CNTN3: variants seen among roughly 807,000 people sequenced by gnomAD.
The protein encoded by CNTN3 is contactin 3, also known as contactin-3.
CNTN3 carries 60 observed loss-of-function variants against 119.1 expected under a neutral mutation model. The ratio of observed to expected loss-of-function variants is 0.50; its 90% CI spans 0.41 to 0.62. CNTN3 has a LOEUF of 0.62. Among genes scored for constraint, CNTN3 ranks in the 20% least tolerant of loss-of-function variants. CNTN3 has a pLI of 0.00. For synonymous variants in CNTN3, 450 were observed against 438.7 expected, an observed-to-expected ratio of 1.03 and a Z score of -0.32; for missense variants, 1,101 against 1,242.4, an observed-to-expected ratio of 0.89 and a Z score of 1.71.
At chr3:74,610,648 T>C (rs953949669) in intron 1 of CNTN3, among the ~76,000 whole-genome samples, 2 of 151,856 alleles carry the variant, frequency 1.3e-5, no homozygotes, top group Non-Finnish European at 2.9e-5. Context: ...CTAATTTAAC[T>C]TACATTAAAA....
chr3:74,344,590 TG>T (rs1703642882), intron 11 of CNTN3, among the ~76,000 whole-genome samples: 1 of 151,406 alleles, frequency 6.6e-6, no homozygotes, highest in Non-Finnish European at 1.5e-5. Flanking sequence ...CCCGAGTAGC[TG>T]GGACTACAGG....
intron 5 of CNTN3, among the ~76,000 whole-genome samples, chr3:74,412,065 T>C (rs981430314): frequency 3.3e-5 from 5 of 152,220 alleles, no homozygotes; most frequent in African/African-American, 1.2e-4. Context: ...GAATTAGGTA[T>C]AGTTCTGCTT....
chr3:74,480,183 A>G (rs1250101338), intron 4 of CNTN3, among the ~76,000 whole-genome samples: 1 of 152,044 alleles, frequency 6.6e-6, no homozygotes, highest in African/African-American at 2.4e-5. Context: ...CCTCTACAGT[A>G]TTCTTCCCAT....
At chr3:74,580,428 G>A (rs906109253) in intron 1 of CNTN3, among the ~76,000 whole-genome samples, 6 of 151,796 alleles carry the variant, frequency 4.0e-5, no homozygotes, top group African/African-American at 1.5e-4. Context: ...AATATTACAC[G>A]GAGAGAAAAT....
chr3:74,449,914 A>C (rs1702116821), intron 4 of CNTN3, among the ~76,000 whole-genome samples: 1 of 152,164 alleles, frequency 6.6e-6, no homozygotes, highest in East Asian at 1.9e-4. Context: ...CCATAAGGCA[A>C]TTTAATGATA....
intron 4 of CNTN3, among the ~76,000 whole-genome samples, chr3:74,458,724 A>T (rs1358902148): frequency 6.6e-6 from 1 of 152,094 alleles, no homozygotes; most frequent in East Asian, 1.9e-4. Context: ...ACAGCAGGAG[A>T]AAACATTATG....
intron 5 of CNTN3, among the ~76,000 whole-genome samples, chr3:74,412,196 CAG>C (rs1162751192): frequency 6.6e-6 from 1 of 152,090 alleles, no homozygotes; most frequent in African/African-American, 2.4e-5. Flanking sequence ...TGAAATATTA[CAG>C]AGTTTGTATT....
In CNTN3 at chr3:74,321,936, G is replaced by T. The variant is rs578085409; in HGVS notation, c.1668+12799C>A. ...AACAGAAAGCACCAGGTCCAGATGG[G>T]TTCAATGGTGAATCCGAGGTGGGCA... is the stretch of plus-strand genomic sequence containing the variant. On this transcript the variant is annotated intron_variant, in intron 13 of 22. Coordinates refer to ENST00000263665, the MANE Select transcript of CNTN3 (RefSeq NM_020872.3). 9.1e-4 allele frequency among the ~76,000 whole-genome samples: 139 copies of T among 152,170 alleles called. 1 individual carries two copies. Among genetic ancestry groups the T allele is most frequent in the Non-Finnish European group, 1.8e-3 (121 of 68,000 alleles).
At chr3:74,468,307 G>A (rs928949260) in intron 4 of CNTN3, among the ~76,000 whole-genome samples, 5 of 152,058 alleles carry the variant, frequency 3.3e-5, no homozygotes, top group African/African-American at 4.8e-5. Context: ...TGCTTCTTAC[G>A]GCTGGTAACT....
At chr3:74,355,608 C>T (rs1703916732) in intron 11 of CNTN3, among the ~76,000 whole-genome samples, 1 of 151,966 alleles carries the variant, frequency 6.6e-6, no homozygotes, top group Non-Finnish European at 1.5e-5. Context: ...AAGTGTGCCA[C>T]CATGCCTAGC....
intron 1 of CNTN3, among the ~76,000 whole-genome samples, chr3:74,569,155 T>G (rs951151449): frequency 6.6e-6 from 1 of 152,222 alleles, no homozygotes; most frequent in Non-Finnish European, 1.5e-5. Context: ...TCCCATTTTC[T>G]GTCTGCTCTG....
At chr3:74,475,210 G>C (rs1446541308) in intron 4 of CNTN3, among the ~76,000 whole-genome samples, 3 of 152,000 alleles carry the variant, frequency 2.0e-5, no homozygotes, top group Non-Finnish European at 2.9e-5. Flanking sequence ...CAACAGAACT[G>C]AATAAAAAAT....
chr3:74,506,048 C>A (rs1003100331), intron 2 of CNTN3, among the ~76,000 whole-genome samples: 1 of 152,106 alleles, frequency 6.6e-6, no homozygotes, highest in Non-Finnish European at 1.5e-5. Flanking sequence ...AATGGCAGAG[C>A]CCTTTCAAAG....
chr3:74,519,925 T>C (rs1438365914), intron 2 of CNTN3, among the ~76,000 whole-genome samples: 24 of 151,656 alleles, frequency 1.6e-4, no homozygotes, highest in Non-Finnish European at 4.4e-5. Context: ...TTATGGATTT[T>C]TGCTATATAT....
intron 4 of CNTN3, among the ~76,000 whole-genome samples, chr3:74,431,680 TA>T (rs1281773591): frequency 6.6e-6 from 1 of 152,044 alleles, no homozygotes; most frequent in African/African-American, 2.4e-5. Context: ...ACATAAATAT[TA>T]AAAAAGATGT....
At chr3:74,365,266 T>C (rs1242687076) in intron 9 of CNTN3, among the ~76,000 whole-genome samples, 2 of 152,082 alleles carry the variant, frequency 1.3e-5, no homozygotes, top group Non-Finnish European at 2.9e-5. Flanking sequence ...CTAAATTTGA[T>C]TAAAGTAAGG....
chr3:74,406,470 A>G (rs1192205520), intron 5 of CNTN3, among the ~76,000 whole-genome samples: 1 of 151,972 alleles, frequency 6.6e-6, no homozygotes, highest in East Asian at 1.9e-4. Context: ...AAACATGCTA[A>G]ATTTTCTAAA....
chr3:74,473,635 C>T (rs1334882049), intron 4 of CNTN3, among the ~76,000 whole-genome samples: 1 of 152,116 alleles, frequency 6.6e-6, no homozygotes, highest in African/African-American at 2.4e-5. Flanking sequence ...CAGTGAACAA[C>T]ATAGTCTTTT....
chr3:74,267,388 C>T lies in CNTN3; in HGVS notation c.2705-10G>A, dbSNP rs1240803766. On this transcript the variant is annotated splice_polypyrimidine_tract_variant and intron_variant, in intron 20 of 22. Coordinates refer to ENST00000263665, the MANE Select transcript of CNTN3 (RefSeq NM_020872.3). ...GGTGGCTGACTGGGAGCTTGAAATG[C>T]AAAATGAGAAATTTTAAAACAGATC... 2.5e-6 allele frequency: 4 copies of T among 1,575,724 alleles called. No individual in the cohort carries two copies. The highest frequency in any genetic ancestry group is 3.3e-5 in the Admixed American group (2 of 59,812).
Sources: allele counts gnomAD v4.1 joint callset (sites outside exome capture counted in the v4.1 genomes callset), GRCh38; gene constraint gnomAD v4.1.1; transcripts MANE v1.5; gene names NCBI Gene and HGNC (gene_info 2026-07-23, HGNC 2026-07-21).